Variants in ING4 observed in about 807,000 individuals in gnomAD.
The protein encoded by ING4 is inhibitor of growth family member 4, also known as inhibitor of growth protein 4.
In ING4, 28 loss-of-function variants were observed where a neutral mutation model predicts 33.1. That is an observed-to-expected ratio of 0.85 (90% CI 0.63 to 1.16). The LOEUF is 1.16. Among genes scored for constraint, ING4 ranks in the 50% most tolerant of loss-of-function variants. The pLI, the probability that ING4 is intolerant of heterozygous loss-of-function variation, is 0.00. For synonymous variants in ING4, 87 were observed against 104.4 expected (o/e 0.83, Z 1.02); for missense variants, 247 against 314.7 (o/e 0.78, Z 1.63).
chr12:6,653,991 C>T (rs1260013727), intron 2 of ING4, among the ~76,000 whole-genome samples: 2 of 152,096 alleles, frequency 1.3e-5, no homozygotes, highest in African/African-American at 2.4e-5. Context: ...GGCACCACCA[C>T]GCCTGGCTAA....
At chr12:6,661,857 T>C (rs1043018690) in intron 1 of ING4, among the ~76,000 whole-genome samples, 2 of 152,214 alleles carry the variant, frequency 1.3e-5, no homozygotes, top group African/African-American at 4.8e-5. Flanking sequence ...ATCAGGTTCT[T>C]ATCTCTGTCC....
intron 2 of ING4, among the ~76,000 whole-genome samples, chr12:6,654,911 G>T (rs1216322212): frequency 6.6e-6 from 1 of 152,164 alleles, no homozygotes; most frequent in Non-Finnish European, 1.5e-5. Context: ...TTTTAGTAGA[G>T]ATGTGGTTTC....
chr12:6,655,054 T>G (rs1417164688), intron 2 of ING4, among the ~76,000 whole-genome samples: 2 of 150,490 alleles, frequency 1.3e-5, no homozygotes, highest in African/African-American at 4.9e-5. Flanking sequence ...TTTTATTTAT[T>G]TTTTTTTGAG....
chr12:6,655,739 C>T (rs754078294), intron 2 of ING4: 19 of 469,938 alleles, frequency 4.0e-5, no homozygotes, highest in Non-Finnish European at 5.9e-5. Context: ...CTTCATGTAT[C>T]TCAAAACCAG....
chr12:6,651,063 G>T lies in ING4; in HGVS notation c.*132C>A. 1 of 993,036 alleles carries T rather than the reference G, an allele frequency of 1.0e-6. No homozygotes were observed. The highest frequency in any genetic ancestry group is 1.4e-5 in the South Asian group (1 of 68,992). The allele number at this position is 993,036 out of a possible 1,614,324, so 61.5% of individuals were successfully genotyped here. On this transcript the variant is annotated 3_prime_UTR_variant, in exon 8 of 8. Transcript: ENST00000341550. The stretch of plus-strand genomic sequence containing the variant: ...CCTCAGCACCGGGAGTGGGGAGAGG[G>T]GAGGAGAAGGGATGACAGCACTGTG...
chr12:6,653,098 TAAAG>T (rs777719835), intron 3 of ING4, 48 bp from the exon 4 acceptor site: 4 of 1,600,180 alleles, frequency 2.5e-6, no homozygotes, highest in Non-Finnish European at 2.6e-6. Flanking sequence ...TATCTCCAAT[TAAAG>T]AAAATAGGTT....
At chr12:6,652,497 T>C in intron 5 of ING4, 79 bp from the exon 6 acceptor site, 7 of 1,504,804 alleles carry the variant, frequency 4.7e-6, no homozygotes, top group Non-Finnish European at 4.6e-6. Flanking sequence ...TGGCAGGAGA[T>C]CCTGGTAGGG....
At chr12:6,660,220 G>A (rs1468996225) in intron 1 of ING4, among the ~76,000 whole-genome samples, 1 of 152,210 alleles carries the variant, frequency 6.6e-6, no homozygotes, top group Non-Finnish European at 1.5e-5. Flanking sequence ...AGCATTCTGG[G>A]AGGCCAAGGC....
chr12:6,654,246 T>C (rs1475227984), intron 2 of ING4, among the ~76,000 whole-genome samples: 1 of 152,170 alleles, frequency 6.6e-6, no homozygotes, highest in Non-Finnish European at 1.5e-5. Flanking sequence ...TCCTGAGTAG[T>C]TGAGTATATC....
intron 1 of ING4, among the ~76,000 whole-genome samples, chr12:6,658,687 AAAAAAC>A (rs932530365): frequency 5.1e-4 from 77 of 152,312 alleles, no homozygotes; most frequent in African/African-American, 1.6e-3. Flanking sequence ...CACTGACTCA[AAAAAAC>A]AAAAACAAAA....
chr12:6,663,001 T>G, intron 1 of ING4, 64 bp downstream of exon 1: 1 of 1,532,212 alleles, frequency 6.5e-7, no homozygotes, highest in Non-Finnish European at 9.0e-7. Context: ...GGGCTACAGA[T>G]CCTCTCATCC....
At chr12:6,658,743 C>T (rs1053595856) in intron 1 of ING4, among the ~76,000 whole-genome samples, 8 of 152,070 alleles carry the variant, frequency 5.3e-5, no homozygotes, top group Non-Finnish European at 8.8e-5. Context: ...AATCAAGTCA[C>T]TCTCCCGCTT....
chr12:6,656,817 C>T lies in ING4; in HGVS notation c.38-19G>A. Reference sequence around the variant, plus strand: ...TCAATACCTAGGGAAGAGAGAGAAACAATCACAGGACTGACTATGCATAGG... The same window carrying T: ...TCAATACCTAGGGAAGAGAGAGAAATAATCACAGGACTGACTATGCATAGG... On this transcript the variant is annotated intron_variant, in intron 1 of 7. Coordinates refer to ENST00000341550, the MANE Select transcript of ING4 (RefSeq NM_016162.4). 2.0e-6 allele frequency: 3 copies of T among 1,479,178 alleles called. No homozygotes were observed. The highest frequency in any genetic ancestry group is 2.8e-6 in the Non-Finnish European group (3 of 1,087,196). The allele number at this position is 1,479,178 out of a possible 1,614,324, so 91.6% of individuals were successfully genotyped here. A position where few individuals can be genotyped will look rare whatever the true frequency, so the allele number is the denominator to read the frequency against.
At chr12:6,653,162 T>C in intron 3 of ING4, 68 bp downstream of exon 3, 1 of 1,601,388 alleles carries the variant, frequency 6.2e-7, no homozygotes, top group Non-Finnish European at 8.5e-7. Flanking sequence ...CCAACACAGT[T>C]GAAGGAGGGG....
At chr12:6,661,436 G>A (rs1949549262) in intron 1 of ING4, among the ~76,000 whole-genome samples, 2 of 141,402 alleles carry the variant, frequency 1.4e-5, no homozygotes, top group Non-Finnish European at 3.0e-5. Context: ...TTTTGAGAGG[G>A]ACACGGAGTC....
intron 1 of ING4, among the ~76,000 whole-genome samples, chr12:6,661,105 G>GTT (rs374943107): frequency 1.8e-4 from 25 of 142,188 alleles, no homozygotes; most frequent in African/African-American, 6.2e-4. Context: ...TTTTGTTTTT[G>GTT]TTTTTTTTTT....
intron 6 of ING4, 32 bp downstream of exon 6, chr12:6,652,239 A>G (rs1197664655): frequency 4.4e-6 from 7 of 1,607,082 alleles, no homozygotes; most frequent in Non-Finnish European, 6.0e-6. Context: ...TGCCCCTCAC[A>G]ACCCCCCATC....
chr12:6,652,902 C>T (rs775201017), intron 4 of ING4, 34 bp downstream of exon 4: 36 of 1,584,536 alleles, frequency 2.3e-5, no homozygotes, highest in Non-Finnish European at 3.0e-5. Flanking sequence ...TTTCAGTCCT[C>T]GCCCCACCTC....
chr12:6,658,422 A>T (rs1389663394), intron 1 of ING4, among the ~76,000 whole-genome samples: 1 of 151,582 alleles, frequency 6.6e-6, no homozygotes, highest in Non-Finnish European at 1.5e-5. Flanking sequence ...ACGGTGGCTC[A>T]TGCCTGTAAT....
Sources: gnomAD v4.1 joint callset for allele counts (sites outside exome capture counted in the v4.1 genomes callset) on GRCh38, gnomAD v4.1.1 for gene constraint, MANE v1.5 for transcripts, NCBI Gene and HGNC (gene_info 2026-07-23, HGNC 2026-07-21) for gene names.